Variants in DNM3 observed in about 807,000 individuals in gnomAD.
The protein encoded by DNM3 is dynamin-3.
Under a neutral mutation model 101.6 loss-of-function variants are expected in DNM3, and 47 were observed. That is an observed-to-expected ratio of 0.46 (90% confidence interval 0.37 to 0.59). The LOEUF (loss-of-function observed/expected upper bound fraction) is 0.59. Ranked by LOEUF, DNM3 falls within the 20% of genes least tolerant of loss-of-function variation. The probability of loss-of-function intolerance (pLI) is 0.00; values close to 1 mark genes in which losing one functional copy is unlikely to be tolerated. For synonymous variants in DNM3, 385 were observed against 387.9 expected, an observed-to-expected ratio of 0.99 and a Z score of 0.09; for missense variants, 849 against 1,085.7, an observed-to-expected ratio of 0.78 and a Z score of 3.06.
chr1:171,920,301 C>T (rs892080536), intron 1 of DNM3, among the ~76,000 whole-genome samples: 1 of 152,186 alleles, frequency 6.6e-6, no homozygotes, highest in Non-Finnish European at 1.5e-5. Flanking sequence ...TGTGTTGAAG[C>T]TCTGTTCTGC....
intron 2 of DNM3, among the ~76,000 whole-genome samples, chr1:171,957,003 A>G (rs1330379642): frequency 1.3e-5 from 2 of 152,024 alleles, no homozygotes; most frequent in Non-Finnish European, 2.9e-5. Flanking sequence ...TGGGCCCACA[A>G]AAGCATTTTT....
In DNM3 at chr1:172,005,306, TTTG is replaced by T. The variant is rs199981524; in HGVS notation, c.589+16161_589+16163del. Among the ~76,000 whole-genome samples the T allele has an allele frequency of 3.0e-3, 455 of 152,198 alleles. 3 individuals carry two copies. The highest frequency in any genetic ancestry group is 9.9e-3 in the African/African-American group (410 of 41,534). ...ATATAAAAGTGTTACGTAAAAATAA[TTTG>T]TTAAGTTGGTTAAAAAGCGAGTTTG... is the stretch of plus-strand genomic sequence containing the variant. On this transcript the variant is annotated intron_variant, in intron 4 of 20. Coordinates refer to ENST00000627582, the MANE Select transcript of DNM3 (RefSeq NM_015569.5).
chr1:171,931,662 T>C (rs1226214343), intron 2 of DNM3, among the ~76,000 whole-genome samples: 3 of 152,212 alleles, frequency 2.0e-5, no homozygotes, highest in East Asian at 3.8e-4. Context: ...CCCTTTATCT[T>C]ATATTACAGT....
At chr1:172,243,197 A>C (rs1473848739) in intron 14 of DNM3, among the ~76,000 whole-genome samples, 2 of 152,116 alleles carry the variant, frequency 1.3e-5, no homozygotes, top group Non-Finnish European at 2.9e-5. Context: ...CTATTTCTCT[A>C]AATTTAAGAA....
At chr1:172,338,676 G>A (rs1000455439) in intron 17 of DNM3, 1 of 348,898 alleles carries the variant, frequency 2.9e-6, no homozygotes, top group Non-Finnish European at 5.7e-6. Context: ...AGCAGCCACA[G>A]CCCACCAGGT....
intron 4 of DNM3, among the ~76,000 whole-genome samples, chr1:172,023,972 A>AT (rs1032190551): frequency 3.4e-5 from 5 of 147,240 alleles, no homozygotes; most frequent in African/African-American, 1.0e-4. Flanking sequence ...AGTTATTGAG[A>AT]TTTTTTGCCT....
chr1:171,970,990 A>T (rs1321305113), intron 2 of DNM3, among the ~76,000 whole-genome samples: 1 of 152,112 alleles, frequency 6.6e-6, no homozygotes, highest in Non-Finnish European at 1.5e-5. Flanking sequence ...AGTAGCCTAC[A>T]TTTTAAATAT....
intron 14 of DNM3, among the ~76,000 whole-genome samples, chr1:172,228,290 A>G (rs367596035): frequency 6.6e-6 from 1 of 151,216 alleles, no homozygotes; most frequent in South Asian, 2.1e-4. Flanking sequence ...TAAAATTTCT[A>G]TTTTGTGGGG....
At chr1:171,942,201 ATTTTTTTTTT>A (rs71561599) in intron 2 of DNM3, among the ~76,000 whole-genome samples, 5 of 103,574 alleles carry the variant, frequency 4.8e-5, no homozygotes, top group African/African-American at 1.1e-4. Flanking sequence ...TGCTCACTTG[ATTTTTTTTTT>A]TTTTTTTTTT....
chr1:172,315,928 C>T (rs2148892701), intron 16 of DNM3, among the ~76,000 whole-genome samples: 1 of 152,148 alleles, frequency 6.6e-6, no homozygotes, highest in Admixed American at 6.5e-5. Flanking sequence ...CTCCGAGACA[C>T]ATAATTGTCA....
chr1:172,036,291 T>C (rs2048959212), intron 6 of DNM3, among the ~76,000 whole-genome samples: 1 of 151,192 alleles, frequency 6.6e-6, no homozygotes, highest in Non-Finnish European at 1.5e-5. Context: ...TTACTGAGAA[T>C]GATGATTTCC....
At chr1:172,328,724 C>A (rs1375318520) in intron 17 of DNM3, among the ~76,000 whole-genome samples, 11 of 152,162 alleles carry the variant, frequency 7.2e-5, no homozygotes, top group Non-Finnish European at 1.6e-4. Flanking sequence ...ATAATCTGCA[C>A]ACCAAACCCT....
chr1:172,054,926 T>C (rs1383114999), intron 10 of DNM3, among the ~76,000 whole-genome samples: 2 of 151,934 alleles, frequency 1.3e-5, no homozygotes, highest in Non-Finnish European at 2.9e-5. Context: ...ACTATTGCAC[T>C]CCAGCCCAGG....
chr1:172,077,692 G>C (rs1407290340), intron 11 of DNM3, among the ~76,000 whole-genome samples: 2 of 152,118 alleles, frequency 1.3e-5, no homozygotes, highest in African/African-American at 4.8e-5. Flanking sequence ...TATGATTTCT[G>C]TTCTTTTGCA....
At chr1:171,919,730 T>G (rs768736002) in intron 1 of DNM3, among the ~76,000 whole-genome samples, 6 of 152,224 alleles carry the variant, frequency 3.9e-5, no homozygotes, top group Non-Finnish European at 5.9e-5. Flanking sequence ...TAAAAGTGTA[T>G]TTAGTTATAT....
chr1:171,882,166 A>G (rs1458309451), intron 1 of DNM3, among the ~76,000 whole-genome samples: 1 of 151,960 alleles, frequency 6.6e-6, no homozygotes, highest in African/African-American at 2.4e-5. Context: ...CAACATGGAG[A>G]AACCCCATCT....
chr1:171,865,628 C>T (rs983938180), intron 1 of DNM3, among the ~76,000 whole-genome samples: 6 of 151,656 alleles, frequency 4.0e-5, no homozygotes, highest in African/African-American at 1.5e-4. Flanking sequence ...AAATATTGAC[C>T]TAATAATGGG....
intron 14 of DNM3, among the ~76,000 whole-genome samples, chr1:172,236,071 C>G (rs2061533970): frequency 6.6e-6 from 1 of 152,150 alleles, no homozygotes; most frequent in Non-Finnish European, 1.5e-5. Context: ...GCTCTTGGGA[C>G]TATAGTTTGC....
intron 4 of DNM3, among the ~76,000 whole-genome samples, chr1:172,031,636 C>A (rs970077754): frequency 4.6e-5 from 7 of 152,120 alleles, no homozygotes; most frequent in African/African-American, 1.4e-4. Flanking sequence ...AAACAAATGA[C>A]AAATATCATG....
Sources: gnomAD v4.1 joint callset for allele counts (sites outside exome capture counted in the v4.1 genomes callset) on GRCh38, gnomAD v4.1.1 for gene constraint, MANE v1.5 for transcripts, NCBI Gene and HGNC (gene_info 2026-07-23, HGNC 2026-07-21) for gene names.